Variants in EHMT1 observed in about 807,000 individuals in gnomAD.
EHMT1 encodes the protein euchromatic histone lysine methyltransferase 1.
EHMT1 carries 15 observed loss-of-function variants against 147.2 expected under a neutral mutation model. That is an observed-to-expected ratio of 0.10 (90% CI 0.07 to 0.16). The LOEUF is 0.16. Among genes scored for constraint, EHMT1 ranks in the 10% least tolerant of loss-of-function variants. EHMT1 has a pLI of 1.00. For missense variants in EHMT1, 1,587 were observed against 1,772.4 expected (o/e 0.90, Z 1.88); for synonymous variants, 795 against 709.6 (o/e 1.12, Z -1.91).
intron 10 of EHMT1, among the ~76,000 whole-genome samples, chr9:137,774,020 G>A (rs1345927190): frequency 2.6e-5 from 4 of 152,150 alleles, no homozygotes; most frequent in African/African-American, 9.7e-5. Context: ...GGTCCTCTCA[G>A]AATCCTCCAG....
At chr9:137,635,944 G>T (rs900727817) in intron 1 of EHMT1, among the ~76,000 whole-genome samples, 1 of 151,070 alleles carries the variant, frequency 6.6e-6, no homozygotes, top group Admixed American at 6.6e-5. Context: ...TTTTGAGATG[G>T]GGAGTCTTGC....
chr9:137,793,473 C>T (rs1952675500), intron 16 of EHMT1, among the ~76,000 whole-genome samples: 1 of 152,244 alleles, frequency 6.6e-6, no homozygotes, highest in South Asian at 2.1e-4. Flanking sequence ...ATTGTGGAAA[C>T]CAGTCTGGTG....
At chr9:137,634,055 C>T (rs1378778226) in intron 1 of EHMT1, among the ~76,000 whole-genome samples, 1 of 152,142 alleles carries the variant, frequency 6.6e-6, no homozygotes, top group Non-Finnish European at 1.5e-5. Flanking sequence ...TCAAGTGATC[C>T]ACCTGCCTCG....
chr9:137,740,391 C>T (rs1947949879), intron 4 of EHMT1, among the ~76,000 whole-genome samples: 1 of 152,074 alleles, frequency 6.6e-6, no homozygotes, highest in Admixed American at 6.5e-5. Flanking sequence ...ACTGGCCCCG[C>T]TTCTTTGAGG....
intron 10 of EHMT1, among the ~76,000 whole-genome samples, chr9:137,771,795 G>A (rs142636380): frequency 6.6e-6 from 1 of 152,344 alleles, no homozygotes; most frequent in East Asian, 1.9e-4. Flanking sequence ...GGGAAGGAAG[G>A]GAGGGGCCCC....
intron 16 of EHMT1, among the ~76,000 whole-genome samples, chr9:137,794,530 A>G (rs1007049999): frequency 2.6e-5 from 4 of 151,842 alleles, no homozygotes; most frequent in African/African-American, 9.7e-5. Flanking sequence ...GCCTGTAGTC[A>G]TAGCCCCTTG....
chr9:137,790,886 G>A lies in EHMT1; in HGVS notation c.2421G>A (p.Arg807=), dbSNP rs149734423. 1.2e-6 allele frequency: 2 copies of A among 1,614,140 alleles called. No homozygotes were observed. The highest frequency in any genetic ancestry group is 2.2e-5 in the South Asian group (2 of 91,072). Reference sequence around the variant, plus strand: ...TTGACACCTGCTCAGAAGACCAGAGGACCCCGTTGATGGAAGCAGCCGAAA... The same window carrying A: ...TTGACACCTGCTCAGAAGACCAGAGAACCCCGTTGATGGAAGCAGCCGAAA... ...ANIDTCSEDQ[R]TPLMEAAENN... Residue 807 remains arginine, a synonymous_variant, in exon 16 of 27, where the codon AGG becomes AGA. Coordinates refer to ENST00000460843, the MANE Select transcript of EHMT1 (RefSeq NM_024757.5).
chr9:137,833,104 G>T (rs536375272), intron 25 of EHMT1, among the ~76,000 whole-genome samples: 1 of 152,312 alleles, frequency 6.6e-6, no homozygotes, highest in South Asian at 2.1e-4. Context: ...AGCTGCTCTC[G>T]TCCACGCCTT....
In EHMT1 at chr9:137,782,087, C is replaced by T. The variant is rs1951602701; in HGVS notation, c.2276-204C>T. Among the ~76,000 whole-genome samples the T allele has an allele frequency of 6.6e-6, 1 of 151,886 alleles. No individual in the cohort carries two copies. The highest frequency in any genetic ancestry group is 2.4e-5 in the African/African-American group (1 of 41,338). On this transcript the variant is annotated intron_variant, in intron 14 of 26. Coordinates refer to ENST00000460843, the MANE Select transcript of EHMT1 (RefSeq NM_024757.5). The surrounding 1 kb of genome is among the most constrained non-coding windows in gnomAD (Gnocchi z 5.7). Reference sequence around the variant, plus strand: ...TGCCGAGTTAGTTCTGACAGAGGGACCTGCCTGTTCAATTCCGCAGGAGAC... The same window carrying T: ...TGCCGAGTTAGTTCTGACAGAGGGATCTGCCTGTTCAATTCCGCAGGAGAC...
rs767925702 is a variant in EHMT1 at position 137,775,066 on chromosome 9, T to C, written c.1648-43T>C. 1.2e-6 allele frequency: 2 copies of C among 1,613,678 alleles called. No individual in the cohort carries two copies. The highest frequency in any genetic ancestry group is 2.2e-5 in the South Asian group (2 of 91,056). ...CGCCTGGTGGGAGGGAATGCCGGCC[T>C]CTCGTGACTCTGACATTGACCACCA... On this transcript the variant is annotated intron_variant, in intron 10 of 26. Coordinates refer to ENST00000460843, the MANE Select transcript of EHMT1 (RefSeq NM_024757.5). The surrounding 1 kb of genome is among the most constrained non-coding windows in gnomAD (Gnocchi z 6.1).
chr9:137,630,043 A>C (rs1343710360), intron 1 of EHMT1, among the ~76,000 whole-genome samples: 1 of 152,218 alleles, frequency 6.6e-6, no homozygotes, highest in African/African-American at 2.4e-5. Context: ...TTTCCTTTGA[A>C]ATGGAGTCTC....
At chr9:137,817,919 G>C (rs1174948957) in intron 24 of EHMT1, 141 bp from the exon 25 acceptor site, 1 of 828,720 alleles carries the variant, frequency 1.2e-6, no homozygotes, top group African/African-American at 1.7e-5. Context: ...TCAACCCTGG[G>C]CACACCTCTC....
chr9:137,817,251 C>A, intron 23 of EHMT1, 188 bp from the exon 24 acceptor site: 3 of 681,058 alleles, frequency 4.4e-6, no homozygotes, highest in Non-Finnish European at 7.8e-6. Flanking sequence ...CTGGCTGATC[C>A]CCGGGTTCTT....
At chr9:137,654,588 T>C (rs952177403) in intron 1 of EHMT1, among the ~76,000 whole-genome samples, 3 of 152,172 alleles carry the variant, frequency 2.0e-5, no homozygotes, top group Non-Finnish European at 2.9e-5. Context: ...TTGTTTTGGC[T>C]ATTCTGGGTC....
At chr9:137,639,122 A>G (rs1295352237) in intron 1 of EHMT1, among the ~76,000 whole-genome samples, 1 of 151,978 alleles carries the variant, frequency 6.6e-6, no homozygotes, top group Non-Finnish European at 1.5e-5. Context: ...TTAATTTCTA[A>G]ATATTTAGGT....
Position 137,813,304 on chromosome 9 carries a change from G to C in EHMT1, c.3036-82G>C, listed in dbSNP as rs1297426104. On this transcript the variant is annotated intron_variant, in intron 20 of 26. Coordinates refer to ENST00000460843, the MANE Select transcript of EHMT1 (RefSeq NM_024757.5). The surrounding 1 kb of genome is among the most constrained non-coding windows in gnomAD (Gnocchi z 4.9). ...TCCAAATTGTCAGGGCCAGGTGTTT[G>C]CCAGCCGCCCCACTGCACGCTGTGC... The C allele has an allele frequency of 5.8e-6, 9 of 1,559,640 alleles. No individual in the cohort carries two copies. In the Admixed American group the frequency reaches 1.7e-4, roughly 29 times the overall value.
intron 6 of EHMT1, 148 bp from the exon 7 acceptor site, chr9:137,752,183 C>T (rs1044988448): frequency 1.6e-5 from 14 of 900,702 alleles, no homozygotes; most frequent in Admixed American, 1.4e-4. Flanking sequence ...TGGAGCAGGC[C>T]GGCGGCGCCC....
At chr9:137,797,304 G>A (rs1953042255) in intron 16 of EHMT1, among the ~76,000 whole-genome samples, 1 of 152,008 alleles carries the variant, frequency 6.6e-6, no homozygotes, top group South Asian at 2.1e-4. Context: ...TATTCCCACG[G>A]GGTTCCTTTG....
chr9:137,756,991 A>G (rs1018769358), intron 8 of EHMT1, among the ~76,000 whole-genome samples: 10 of 152,186 alleles, frequency 6.6e-5, no homozygotes, highest in African/African-American at 2.4e-4. Flanking sequence ...AGTCATTGAA[A>G]TAAGATTGGT....
Sources: allele counts gnomAD v4.1 joint callset (sites outside exome capture counted in the v4.1 genomes callset), GRCh38; gene constraint gnomAD v4.1.1; non-coding constraint Gnocchi (gnomAD v3.1); transcripts MANE v1.5; gene names NCBI Gene and HGNC (gene_info 2026-07-23, HGNC 2026-07-21).